Variants in RASSF9 observed in about 807,000 individuals in gnomAD.
RASSF9 encodes the protein Ras association domain family member 9, also known as ras association domain-containing protein 9.
In RASSF9, 18 loss-of-function variants were observed where a neutral mutation model predicts 21.4. That is an observed-to-expected ratio of 0.84 (90% CI 0.58 to 1.25). The LOEUF (loss-of-function observed/expected upper bound fraction) is 1.25. Ranked by LOEUF, RASSF9 falls within the 50% of genes most tolerant of loss-of-function variation. RASSF9 has a pLI of 0.00. For missense variants in RASSF9, 480 were observed against 503.2 expected, an observed-to-expected ratio of 0.95 and a Z score of 0.44; for synonymous variants, 183 against 179.1, an observed-to-expected ratio of 1.02 and a Z score of -0.18.
chr12:85,818,956 CAAAAAA>C (rs60760019), intron 1 of RASSF9, among the ~76,000 whole-genome samples: 15 of 66,606 alleles, frequency 2.3e-4, no homozygotes, highest in Admixed American at 7.5e-4. Context: ...GAGACTCCGT[CAAAAAA>C]AAAAAAAAAA....
At chr12:85,829,950 A>G (rs977460697) in intron 1 of RASSF9, among the ~76,000 whole-genome samples, 34 of 152,332 alleles carry the variant, frequency 2.2e-4, no homozygotes, top group African/African-American at 7.9e-4. Flanking sequence ...TTTCTCAATT[A>G]GGAGTTTAAT....
chr12:85,805,342 A>G lies in RASSF9; in HGVS notation c.668T>C (p.Val223Ala), dbSNP rs957651669. The change falls in exon 2 of 2, where the codon GTA (valine) becomes GCA (alanine). Residue 223 changes from valine to alanine, a missense_variant. Val to Ala is a moderately conservative substitution (Grantham distance 64). Coordinates refer to ENST00000361228, the MANE Select transcript of RASSF9 (RefSeq NM_005447.4). Reference protein sequence around the residue: ...KCEAKFHLDRVENDGENYVQD... With the variant: ...KCEAKFHLDRAENDGENYVQD... ...AACATAGTTTTCTCCATCATTTTCT[A>G]CTCGATCAAGATGGAACTTAGCTTC... 7 of 1,613,410 alleles carry G rather than the reference A, an allele frequency of 4.3e-6. No individual in the cohort carries two copies. Among genetic ancestry groups the G allele is most frequent in the Non-Finnish European group, 5.9e-6 (7 of 1,179,838 alleles).
chr12:85,831,181 A>G (rs137982669), intron 1 of RASSF9, among the ~76,000 whole-genome samples: 471 of 152,174 alleles, frequency 3.1e-3, no homozygotes, highest in Admixed American at 5.6e-3. Context: ...TACTATCAAA[A>G]GAATAGAGCC....
chr12:85,824,071 A>G (rs139498763), intron 1 of RASSF9, among the ~76,000 whole-genome samples: 2 of 152,212 alleles, frequency 1.3e-5, no homozygotes, highest in Non-Finnish European at 1.5e-5. Flanking sequence ...AAATCTAACT[A>G]TTACGACCTT....
intron 1 of RASSF9, among the ~76,000 whole-genome samples, chr12:85,828,160 G>T (rs191482265): frequency 6.6e-6 from 1 of 151,864 alleles, no homozygotes; most frequent in South Asian, 2.1e-4. Flanking sequence ...AATATAACTC[G>T]ATATAAATAT....
rs1257329159 is a variant in RASSF9, at chr12:85,836,136, C to T, written c.47+19G>A. On this transcript the variant is annotated intron_variant, in intron 1 of 1. Coordinates refer to ENST00000361228, the MANE Select transcript of RASSF9 (RefSeq NM_005447.4). ...ACACACAGAGACACACACACACTTA[C>T]TCACACGCTTGACTTTACCTGTTTT... 7 of 1,551,280 alleles carry T rather than the reference C, an allele frequency of 4.5e-6. No individual in the cohort carries two copies. In the South Asian group the frequency reaches 6.0e-5, roughly 13 times the overall value.
chr12:85,829,029 C>T (rs895972490), intron 1 of RASSF9, among the ~76,000 whole-genome samples: 1 of 152,084 alleles, frequency 6.6e-6, no homozygotes, highest in Non-Finnish European at 1.5e-5. Flanking sequence ...CCAAAACAAA[C>T]GCTCTTCTAC....
At position 85,804,773 on chromosome 12, in the gene RASSF9, T is replaced by A; in HGVS notation, c.1237A>T (p.Thr413Ser). 1 of 1,613,906 alleles carries A rather than the reference T, an allele frequency of 6.2e-7. No individual in the cohort carries two copies. Among genetic ancestry groups the A allele is most frequent in the Non-Finnish European group, 8.5e-7 (1 of 1,179,760 alleles). The change falls in exon 2 of 2, where the codon ACT becomes TCT. Residue 413 changes from threonine to serine, a missense_variant. Transcript: ENST00000361228. ...SNYTNDTDSD[T>S]GISSNHSQDS... ...TGACTGTGGTTAGAACTGATACCAG[T>A]GTCCGAGTCTGTGTCATTTGTGTAA...
intron 1 of RASSF9, among the ~76,000 whole-genome samples, chr12:85,808,621 A>G (rs1338083661): frequency 6.6e-6 from 1 of 152,094 alleles, no homozygotes; most frequent in Non-Finnish European, 1.5e-5. Flanking sequence ...ATGGCTATAT[A>G]GCACAAGTCA....
rs115771888 is a variant in RASSF9, at chr12:85,823,339, T to C, written c.47+12816A>G. ...GATCTGACATATCCTCTTTGTAACA[T>C]AATGCATTGTGACCTCCTCCTCCCA... On this transcript the variant is annotated intron_variant, in intron 1 of 1. Coordinates refer to ENST00000361228, the MANE Select transcript of RASSF9 (RefSeq NM_005447.4). 4.5e-3 allele frequency among the ~76,000 whole-genome samples: 682 copies of C among 152,228 alleles called. 5 individuals are homozygous for C. The highest frequency in any genetic ancestry group is 0.015 in the African/African-American group (627 of 41,524).
chr12:85,810,553 T>A (rs1249449875), intron 1 of RASSF9, among the ~76,000 whole-genome samples: 2 of 151,948 alleles, frequency 1.3e-5, no homozygotes, highest in Non-Finnish European at 2.9e-5. Context: ...AAATCTTAAA[T>A]AATCATTACT....
chr12:85,826,375 C>T (rs1052515241), intron 1 of RASSF9, among the ~76,000 whole-genome samples: 6 of 151,930 alleles, frequency 3.9e-5, no homozygotes, highest in Admixed American at 2.6e-4. Flanking sequence ...TCATTCTTCT[C>T]TTTCTATTTA....
At chr12:85,830,619 T>C (rs921336984) in intron 1 of RASSF9, among the ~76,000 whole-genome samples, 2 of 152,104 alleles carry the variant, frequency 1.3e-5, no homozygotes, top group Admixed American at 6.6e-5. Flanking sequence ...TGCATTCTAG[T>C]CTGAAGATAT....
intron 1 of RASSF9, among the ~76,000 whole-genome samples, chr12:85,823,886 G>C (rs565197308): frequency 6.6e-6 from 1 of 152,252 alleles, no homozygotes; most frequent in African/African-American, 2.4e-5. Context: ...ATAATAAATT[G>C]TTCTTCCAGC....
chr12:85,824,798 G>C (rs1315814275), intron 1 of RASSF9, among the ~76,000 whole-genome samples: 1 of 152,122 alleles, frequency 6.6e-6, no homozygotes, highest in Non-Finnish European at 1.5e-5. Flanking sequence ...TTGATTGCTA[G>C]ACTGGAATGG....
At position 85,808,400 on chromosome 12, in the gene RASSF9, C is replaced by G. The variant is rs577090408; in HGVS notation, c.48-2438G>C. On this transcript the variant is annotated intron_variant, in intron 1 of 1. Transcript: ENST00000361228. ...TTATAAAATATTTTGCACTTAATGA[C>G]TCAATACTGAGTATTATATTTTGAA... Among the ~76,000 whole-genome samples, 99 of 152,114 alleles carry G rather than the reference C, an allele frequency of 6.5e-4. 2 individuals carry two copies. In the South Asian group the frequency reaches 0.02, roughly 31 times the overall value.
In RASSF9 at chr12:85,803,487, G is replaced by A. The variant is rs1879747122; in HGVS notation, c.*1215C>T. 6.6e-6 allele frequency: 1 copy of A among 152,050 alleles called. No individual in the cohort carries two copies. The highest frequency in any genetic ancestry group is 2.4e-5 in the African/African-American group (1 of 41,400). The allele number at this position is 152,050 out of a possible 1,614,324, so 9.4% of individuals were successfully genotyped here. ...AGCAAAGGAAAAAAAGAAGACGGGAGAAGGAGAGATGAAGGCAGGAAAAGA... is the reference window on the plus strand; with the variant it reads ...AGCAAAGGAAAAAAAGAAGACGGGAAAAGGAGAGATGAAGGCAGGAAAAGA... On this transcript the variant is annotated 3_prime_UTR_variant, in exon 2 of 2. Transcript: ENST00000361228.
intron 1 of RASSF9, among the ~76,000 whole-genome samples, chr12:85,816,979 A>G (rs1056609456): frequency 1.3e-5 from 2 of 152,266 alleles, no homozygotes; most frequent in South Asian, 2.1e-4. Flanking sequence ...AAGTTCGGAA[A>G]TAGAGTTAGG....
In RASSF9 at chr12:85,836,257, T is replaced by TG; in HGVS notation, c.-57dup. 9.1e-6 allele frequency: 3 copies of TG among 329,558 alleles called. No homozygotes were observed. Among genetic ancestry groups the TG allele is most frequent in the South Asian group, 8.7e-5 (2 of 22,970 alleles). 20.4% of individuals were successfully genotyped at this position (329,558 alleles called of 1,614,324 possible). A position where few individuals can be genotyped will look rare whatever the true frequency, so the allele number is the denominator to read the frequency against. ...TCTTAAAGTGATCTGAGGGTGGGGG[T>TG]GGGGGTGTCTGGATTTCCAGGGTGA... On this transcript the variant is annotated 5_prime_UTR_variant, in exon 1 of 2. Transcript: ENST00000361228.
Sources: gnomAD v4.1 joint callset for allele counts (sites outside exome capture counted in the v4.1 genomes callset) on GRCh38, gnomAD v4.1.1 for gene constraint, MANE v1.5 for transcripts, NCBI Gene and HGNC (gene_info 2026-07-23, HGNC 2026-07-21) for gene names.